Variants in MACF1 observed in about 807,000 individuals in gnomAD.
The protein encoded by MACF1 is microtubule actin crosslinking factor 1.
A neutral mutation model predicts 854.8 loss-of-function variants in MACF1; 193 were observed. The observed-to-expected ratio is 0.23, with a 90% CI of 0.20 to 0.25. The LOEUF is 0.25. MACF1 is among the 10% of genes least tolerant of loss of function. MACF1 has a pLI of 1.00. For synonymous variants in MACF1, 3,185 were observed against 3,226.7 expected (o/e 0.99, Z 0.44); for missense variants, 7,722 against 8,929.1 (o/e 0.86, Z 5.45).
In MACF1 at chr1:39,273,286, G is replaced by A. The variant is rs375881222; in HGVS notation, c.529-8922G>A. Among the ~76,000 whole-genome samples, 253 of 151,242 alleles carry A rather than the reference G, an allele frequency of 1.7e-3. 2 individuals carry two copies. Among genetic ancestry groups the A allele is most frequent in the African/African-American group, 5.7e-3 (233 of 41,200 alleles). On this transcript the variant is annotated intron_variant, in intron 6 of 100. Coordinates refer to ENST00000564288, the MANE Select transcript of MACF1 (RefSeq NM_001394062.1). Reference sequence around the variant, plus strand: ...CGAGTAACTGGGATTACAGGCGCCCGCCCCCACCACGCCCAGCTATATACC... The same window carrying A: ...CGAGTAACTGGGATTACAGGCGCCCACCCCCACCACGCCCAGCTATATACC...
chr1:39,419,436 A>C (rs908986635), intron 58 of MACF1, among the ~76,000 whole-genome samples: 1 of 152,242 alleles, frequency 6.6e-6, no homozygotes, highest in Non-Finnish European at 1.5e-5. Context: ...GATGCTCAAA[A>C]GAAATGCTCA....
intron 1 of MACF1, among the ~76,000 whole-genome samples, chr1:39,221,657 T>C (rs1425953017): frequency 6.6e-6 from 1 of 152,218 alleles, no homozygotes; most frequent in Non-Finnish European, 1.5e-5. Context: ...TAAAGGCTAT[T>C]TAAAAGGCTA....
intron 4 of MACF1, among the ~76,000 whole-genome samples, chr1:39,253,476 C>T (rs1296836865): frequency 2.1e-5 from 3 of 143,760 alleles, no homozygotes; most frequent in Non-Finnish European, 3.0e-5. Flanking sequence ...TATGTAACTT[C>T]TCATTTCCTA....
At chr1:39,321,690 A>G (rs1173703004) in intron 31 of MACF1, among the ~76,000 whole-genome samples, 1 of 152,202 alleles carries the variant, frequency 6.6e-6, no homozygotes, top group African/African-American at 2.4e-5. Flanking sequence ...CTTGCTTCTC[A>G]AAGTGTTGTC....
intron 35 of MACF1, 94 bp downstream of exon 35, chr1:39,324,828 C>T (rs1265614956): frequency 2.1e-6 from 2 of 973,602 alleles, no homozygotes; most frequent in African/African-American, 3.2e-5. Flanking sequence ...ATGGAGAATT[C>T]AGAGCAGCAA....
At chr1:39,357,930 T>C (rs1361734603) in intron 45 of MACF1, 37 bp downstream of exon 45, 1 of 1,570,028 alleles carries the variant, frequency 6.4e-7, no homozygotes, top group Admixed American at 1.8e-5. Flanking sequence ...GGTGAAACAA[T>C]CATGGCAGCC....
chr1:39,382,120 A>G lies in MACF1; in HGVS notation c.13816A>G (p.Asn4606Asp). The change falls in exon 56 of 101, where the codon AAC becomes GAC. Residue 4606 changes from asparagine to aspartate, a missense_variant. Asn to Asp is a conservative substitution (Grantham distance 23). Around this residue, in one of 15 missense-constraint regions of MACF1, gnomAD observed 2,807 missense variants for 3,235.8 expected, o/e 0.87. Transcript: ENST00000564288. ...GCTGGGGCCCCTGTCTATTGACCCC[A>G]ACATGTTGAATGCACAAAAGCAACA... ...GVLGPLSIDP[N>D]MLNAQKQQVQ... is the part of the protein sequence containing the mutation. 6.2e-7 allele frequency: 1 copy of G among 1,614,056 alleles called. No homozygotes were observed. Among genetic ancestry groups the G allele is most frequent in the Non-Finnish European group, 8.5e-7 (1 of 1,180,014 alleles).
chr1:39,416,069 C>T (rs138694483), intron 58 of MACF1, among the ~76,000 whole-genome samples: 3 of 152,184 alleles, frequency 2.0e-5, no homozygotes, highest in African/African-American at 7.2e-5. Flanking sequence ...GCTAAACATG[C>T]AGGTCCTGAC....
At chr1:39,427,734 C>A in intron 62 of MACF1, 120 bp downstream of exon 62, 1 of 1,076,074 alleles carries the variant, frequency 9.3e-7, no homozygotes, top group Non-Finnish European at 1.3e-6. Flanking sequence ...AAAATATGGT[C>A]AGATTATTAA....
chr1:39,200,866 G>A (rs551323354), upstream of MACF1, among the ~76,000 whole-genome samples: 5 of 152,180 alleles, frequency 3.3e-5, no homozygotes, highest in Non-Finnish European at 5.9e-5. Flanking sequence ...CATGAGGCCA[G>A]GAGTTTGAGA....
chr1:39,472,940 T>C (rs1352185673), intron 97 of MACF1, among the ~76,000 whole-genome samples: 1 of 152,202 alleles, frequency 6.6e-6, no homozygotes, highest in African/African-American at 2.4e-5. Context: ...AGTCTCAGAT[T>C]GCCTTAATGC....
At chr1:39,292,595 C>T (rs1469425473) in intron 16 of MACF1, among the ~76,000 whole-genome samples, 171 bp from the exon 17 acceptor site, 1 of 152,240 alleles carries the variant, frequency 6.6e-6, no homozygotes, top group East Asian at 1.9e-4. Flanking sequence ...TCACTTAGTG[C>T]TGCTCCAAGT....
intron 44 of MACF1, among the ~76,000 whole-genome samples, chr1:39,355,181 T>A (rs1443581121): frequency 6.6e-6 from 1 of 152,188 alleles, no homozygotes; most frequent in Admixed American, 6.5e-5. Context: ...CGAAGGTCCA[T>A]TATACTGTGT....
intron 1 of MACF1, among the ~76,000 whole-genome samples, chr1:39,224,195 C>T (rs984265415): frequency 6.6e-6 from 1 of 152,044 alleles, no homozygotes; most frequent in African/African-American, 2.4e-5. Flanking sequence ...CCCCCCCATA[C>T]ACACATGACA....
At position 39,166,795 on chromosome 1, in the gene MACF1, G is replaced by T. The variant is rs535660894; in HGVS notation, c.221-64387G>T. Among the ~76,000 whole-genome samples, 9 of 151,690 alleles carry T rather than the reference G, an allele frequency of 5.9e-5. No homozygotes were observed. The East Asian group carries it at 1.7e-3, about 29-fold the overall frequency. On this transcript the variant is annotated intron_variant, in intron 2 of 93. Transcript: ENST00000361689. ...CAGAGGAATGACATAAACAACTAGG[G>T]TGGGTATTTTTTGAGGGGTGGGGTG...
At chr1:39,381,182 C>T (rs1265925517) in intron 55 of MACF1, among the ~76,000 whole-genome samples, 2 of 151,810 alleles carry the variant, frequency 1.3e-5, no homozygotes, top group East Asian at 1.9e-4. Context: ...CTCAGCCTCC[C>T]GAGTAGCTGG....
chr1:39,341,727 T>C (rs1361322334), intron 40 of MACF1, among the ~76,000 whole-genome samples: 8 of 151,796 alleles, frequency 5.3e-5, no homozygotes, highest in African/African-American at 9.7e-5. Context: ...TCCCTGGAGC[T>C]TCAGTGATAA....
At chr1:39,272,359 A>G (rs1645340313) in intron 6 of MACF1, among the ~76,000 whole-genome samples, 1 of 152,198 alleles carries the variant, frequency 6.6e-6, no homozygotes, top group Admixed American at 6.5e-5. Context: ...CAGAGAGGGC[A>G]ACGCATACTG....
intron 1 of MACF1, among the ~76,000 whole-genome samples, chr1:39,216,073 G>C (rs1644574392): frequency 6.6e-6 from 1 of 152,100 alleles, no homozygotes; most frequent in African/African-American, 2.4e-5. Flanking sequence ...TTGGCCGTAG[G>C]TTTCCTTGGT....
Sources: allele counts gnomAD v4.1 joint callset (sites outside exome capture counted in the v4.1 genomes callset), GRCh38; gene constraint gnomAD v4.1.1; regional missense constraint gnomAD v4.1.1; transcripts MANE v1.5; gene names NCBI Gene and HGNC (gene_info 2026-07-23, HGNC 2026-07-21).